Variants in RALYL observed in about 807,000 individuals in gnomAD.
RALYL encodes the protein RNA-binding Raly-like protein.
RALYL carries 29 observed loss-of-function variants against 35.1 expected under a neutral mutation model. The observed-to-expected ratio is 0.83, with a 90% CI of 0.61 to 1.13. RALYL has a LOEUF of 1.13. RALYL is among the 50% of genes most tolerant of loss of function. The pLI is 0.00. For synonymous variants in RALYL, 120 were observed against 127.6 expected (o/e 0.94, Z 0.40); for missense variants, 359 against 360.4 (o/e 1.00, Z 0.03).
intron 1 of RALYL, among the ~76,000 whole-genome samples, chr8:84,315,177 C>T (rs985842064): frequency 2.6e-5 from 4 of 152,034 alleles, no homozygotes; most frequent in Admixed American, 2.6e-4. Flanking sequence ...TAAATTACAA[C>T]CCATATACAC....
At chr8:84,400,363 A>C (rs2042765803) in intron 1 of RALYL, among the ~76,000 whole-genome samples, 1 of 152,200 alleles carries the variant, frequency 6.6e-6, no homozygotes, top group African/African-American at 2.4e-5. Context: ...GTCAACACTC[A>C]AAAATTTTCG....
At chr8:84,495,529 TA>T (rs1188012977) in intron 1 of RALYL, among the ~76,000 whole-genome samples, 2 of 152,124 alleles carry the variant, frequency 1.3e-5, no homozygotes, top group Non-Finnish European at 2.9e-5. Flanking sequence ...ACCTTGAAAT[TA>T]AAAAATGTGC....
chr8:84,718,353 G>A (rs1843277800), intron 2 of RALYL, among the ~76,000 whole-genome samples: 1 of 151,822 alleles, frequency 6.6e-6, no homozygotes, highest in Admixed American at 6.6e-5. Flanking sequence ...AGGTATTCTG[G>A]GTCAGTTTCA....
chr8:84,846,415 C>T (rs1256687568), intron 4 of RALYL, among the ~76,000 whole-genome samples: 1 of 152,122 alleles, frequency 6.6e-6, no homozygotes, highest in Non-Finnish European at 1.5e-5. Flanking sequence ...AATGGGATTG[C>T]ATTCTTGATT....
chr8:84,589,907 A>G (rs1812853527), intron 2 of RALYL, among the ~76,000 whole-genome samples: 1 of 152,236 alleles, frequency 6.6e-6, no homozygotes, highest in Non-Finnish European at 1.5e-5. Context: ...CATTATCTGT[A>G]CATTGAACAT....
chr8:84,796,605 A>T (rs1311245969), intron 3 of RALYL, among the ~76,000 whole-genome samples: 1 of 152,188 alleles, frequency 6.6e-6, no homozygotes, highest in East Asian at 1.9e-4. Context: ...CTCCCATTTA[A>T]CCATTTACCT....
chr8:84,365,850 C>A (rs934663020), intron 1 of RALYL, among the ~76,000 whole-genome samples: 3 of 152,158 alleles, frequency 2.0e-5, no homozygotes, highest in African/African-American at 7.2e-5. Context: ...GGTTAAGAAC[C>A]TAAAGCATCT....
At chr8:84,759,974 C>G (rs1180058177) in intron 2 of RALYL, among the ~76,000 whole-genome samples, 3 of 152,106 alleles carry the variant, frequency 2.0e-5, no homozygotes, top group Non-Finnish European at 4.4e-5. Flanking sequence ...CATCAAGACT[C>G]CTTTTTGAGG....
chr8:84,885,887 C>T (rs1262308635), intron 7 of RALYL, among the ~76,000 whole-genome samples: 2 of 152,092 alleles, frequency 1.3e-5, no homozygotes, highest in Non-Finnish European at 2.9e-5. Flanking sequence ...TTATGTAGTC[C>T]TTTATAATTT....
intron 1 of RALYL, among the ~76,000 whole-genome samples, chr8:84,508,559 A>C (rs1440958197): frequency 6.6e-6 from 1 of 152,150 alleles, no homozygotes; most frequent in Non-Finnish European, 1.5e-5. Context: ...ATTTAAATTA[A>C]AAATCTTGAA....
chr8:84,418,979 C>T (rs2045088232), intron 1 of RALYL, among the ~76,000 whole-genome samples: 1 of 152,024 alleles, frequency 6.6e-6, no homozygotes, highest in African/African-American at 2.4e-5. Context: ...TTTTCTTGTC[C>T]CAACTGCAGC....
chr8:84,236,837 G>A (rs1215483636), intron 1 of RALYL, among the ~76,000 whole-genome samples: 2 of 152,120 alleles, frequency 1.3e-5, no homozygotes, highest in Non-Finnish European at 2.9e-5. Flanking sequence ...TCAAACACAG[G>A]TAGAATATAA....
chr8:84,234,634 G>A (rs946475309), intron 1 of RALYL, among the ~76,000 whole-genome samples: 11 of 151,988 alleles, frequency 7.2e-5, no homozygotes, highest in Non-Finnish European at 1.2e-4. Flanking sequence ...TTCCTTCATC[G>A]GAATGTCCTT....
chr8:84,304,403 C>T (rs1051499938), intron 1 of RALYL, among the ~76,000 whole-genome samples: 1 of 152,050 alleles, frequency 6.6e-6, no homozygotes, highest in African/African-American at 2.4e-5. Flanking sequence ...AATCCAAATC[C>T]GTTTTGTGTT....
intron 1 of RALYL, among the ~76,000 whole-genome samples, chr8:84,523,068 C>T (rs1252782880): frequency 6.6e-6 from 1 of 152,086 alleles, no homozygotes; most frequent in East Asian, 1.9e-4. Flanking sequence ...TTTACAGCAG[C>T]ACCCCACTCC....
rs573371049 is a variant in RALYL at position 84,292,754 on chromosome 8, G to A, written c.-24+108330G>A. On this transcript the variant is annotated intron_variant, in intron 1 of 8. Coordinates refer to ENST00000521268, the MANE Select transcript of RALYL (RefSeq NM_173848.7). Reference sequence around the variant, plus strand: ...TATATGGTCTAAAAAGGGGAGACATGAATAATCCTCCCCTTGTTTAGCATA... The same window carrying A: ...TATATGGTCTAAAAAGGGGAGACATAAATAATCCTCCCCTTGTTTAGCATA... 1.0e-3 allele frequency among the ~76,000 whole-genome samples: 156 copies of A among 152,236 alleles called. 3 individuals are homozygous for A. Among genetic ancestry groups the A allele is most frequent in the African/African-American group, 3.7e-3 (153 of 41,546 alleles).
chr8:84,503,937 C>A (rs957657618), intron 1 of RALYL, among the ~76,000 whole-genome samples: 8 of 151,374 alleles, frequency 5.3e-5, no homozygotes, highest in Non-Finnish European at 7.4e-5. Context: ...ACAAAATAAT[C>A]AAATATTAGA....
chr8:84,838,393 C>A (rs1210747674), intron 4 of RALYL, among the ~76,000 whole-genome samples: 1 of 152,020 alleles, frequency 6.6e-6, no homozygotes, highest in Non-Finnish European at 1.5e-5. Flanking sequence ...TCAGACTTGC[C>A]CTGGTGTGAT....
rs115132728 is a variant in RALYL, at chr8:84,818,031, A to G, written c.365+13229A>G. Among the ~76,000 whole-genome samples, 740 of 152,326 alleles carry G rather than the reference A, an allele frequency of 4.9e-3. 6 individuals are homozygous for G. The highest frequency in any genetic ancestry group is 0.017 in the African/African-American group (695 of 41,572). On this transcript the variant is annotated intron_variant, in intron 4 of 8. Transcript: ENST00000521268. The stretch of plus-strand genomic sequence containing the variant: ...ACCAATTGAATCCAAAGGACTGAAT[A>G]TTTTAGAAGTGTTAAGAGAATCCAA...
Sources: allele counts gnomAD v4.1 joint callset (sites outside exome capture counted in the v4.1 genomes callset), GRCh38; gene constraint gnomAD v4.1.1; transcripts MANE v1.5; gene names NCBI Gene and HGNC (gene_info 2026-07-23, HGNC 2026-07-21).